The following KCNIP4 variants were observed in gnomAD, a reference collection of about 807,000 sequenced individuals.
KCNIP4 encodes the protein Kv channel-interacting protein 4.
A neutral mutation model predicts 34.0 loss-of-function variants in KCNIP4; 12 were observed. The ratio of observed to expected loss-of-function variants is 0.35; its 90% CI spans 0.23 to 0.57. KCNIP4 has a LOEUF of 0.57. KCNIP4 is among the 20% of genes least tolerant of loss of function. KCNIP4 has a pLI of 0.83. For synonymous variants in KCNIP4, 124 were observed against 102.2 expected (o/e 1.21, Z -1.29); for missense variants, 238 against 311.7 (o/e 0.76, Z 1.78).
chr4:21,072,994 C>T (rs1745112610), intron 1 of KCNIP4, among the ~76,000 whole-genome samples: 1 of 152,056 alleles, frequency 6.6e-6, no homozygotes, highest in African/African-American at 2.4e-5. Flanking sequence ...TGTTCTGTTC[C>T]ATTGGTCTAT....
Position 20,867,416 on chromosome 4 carries a change from C to G in KCNIP4, c.163+15192G>C, listed in dbSNP as rs527239380. On this transcript the variant is annotated intron_variant, in intron 2 of 8. Transcript: ENST00000382152. ...CTTTGACAAGGCTGACAAAAACAAG[C>G]AATGAGGAAAGGACTCCCTATTCAA... Among the ~76,000 whole-genome samples, 6 of 152,068 alleles carry G rather than the reference C, an allele frequency of 3.9e-5. No individual in the cohort carries two copies. The East Asian group carries it at 1.2e-3, about 29-fold the overall frequency.
rs531192281 is a variant in KCNIP4 at position 21,534,015 on chromosome 4, A to G, written c.61+414556T>C. ...ACTTAACCATATGACCTTTGGCTAG[A>G]CTACTGTATTTGAATTACGGCTCTG... On this transcript the variant is annotated intron_variant, in intron 1 of 8. Coordinates refer to ENST00000382152, the MANE Select transcript of KCNIP4 (RefSeq NM_025221.6). 2.0e-5 allele frequency among the ~76,000 whole-genome samples: 3 copies of G among 152,300 alleles called. No homozygotes were observed. In the South Asian group the frequency reaches 6.2e-4, roughly 32 times the overall value.
intron 1 of KCNIP4, among the ~76,000 whole-genome samples, chr4:21,182,846 A>G (rs1754943903): frequency 6.6e-6 from 1 of 152,132 alleles, no homozygotes; most frequent in Non-Finnish European, 1.5e-5. Flanking sequence ...GAGATAATTT[A>G]CATATGCATG....
At chr4:21,679,649 C>T (rs1750188677) in intron 1 of KCNIP4, among the ~76,000 whole-genome samples, 1 of 152,118 alleles carries the variant, frequency 6.6e-6, no homozygotes, top group South Asian at 2.1e-4. Context: ...ACATTCAAGC[C>T]TGTATTGAAT....
At chr4:21,561,515 A>T (rs1199496979) in intron 1 of KCNIP4, among the ~76,000 whole-genome samples, 1 of 152,006 alleles carries the variant, frequency 6.6e-6, no homozygotes, top group Admixed American at 6.6e-5. Flanking sequence ...TCCCTCAACA[A>T]TAATTTCAGA....
At chr4:21,440,022 C>T (rs1307261777) in intron 1 of KCNIP4, among the ~76,000 whole-genome samples, 1 of 152,236 alleles carries the variant, frequency 6.6e-6, no homozygotes, top group Non-Finnish European at 1.5e-5. Context: ...GCTCCTCAAA[C>T]ACTCTGGTTT....
At chr4:21,114,504 C>A (rs1749521869) in intron 1 of KCNIP4, among the ~76,000 whole-genome samples, 1 of 151,894 alleles carries the variant, frequency 6.6e-6, no homozygotes, top group African/African-American at 2.4e-5. Flanking sequence ...TAAACCCATT[C>A]TATTAAAAAA....
intron 1 of KCNIP4, among the ~76,000 whole-genome samples, chr4:21,230,660 T>C (rs1758725546): frequency 6.6e-6 from 1 of 152,158 alleles, no homozygotes; most frequent in South Asian, 2.1e-4. Context: ...CATAATGGCC[T>C]CCAGCTCCAT....
chr4:21,689,788 C>T (rs916270198), intron 1 of KCNIP4, among the ~76,000 whole-genome samples: 13 of 152,036 alleles, frequency 8.6e-5, no homozygotes, highest in Non-Finnish European at 1.6e-4. Context: ...CTTCTATGCC[C>T]ACCCTGGCCA....
chr4:21,395,926 C>G (rs1011710327), intron 1 of KCNIP4, among the ~76,000 whole-genome samples: 1 of 152,060 alleles, frequency 6.6e-6, no homozygotes, highest in African/African-American at 2.4e-5. Flanking sequence ...CCAAATTGAT[C>G]TCAAATAGAA....
chr4:20,810,879 T>C lies in KCNIP4; in HGVS notation c.288+39664A>G, dbSNP rs374935561. ...GTCTGCTTTCCTTAAATGCAGCTGA[T>C]TTCTTGCTAAATTCCATTGCATTTG... On this transcript the variant is annotated intron_variant, in intron 3 of 8. Transcript: ENST00000382152. 1.2e-4 allele frequency among the ~76,000 whole-genome samples: 18 copies of C among 152,222 alleles called. No homozygotes were observed. The East Asian group carries it at 2.3e-3, about 20-fold the overall frequency.
chr4:21,140,346 GAAC>G (rs1484579657), intron 1 of KCNIP4, among the ~76,000 whole-genome samples: 1 of 152,032 alleles, frequency 6.6e-6, no homozygotes, highest in Non-Finnish European at 1.5e-5. Flanking sequence ...AAACTTCTTA[GAAC>G]AACATTTGGT....
chr4:20,930,887 A>G (rs1730393912), intron 1 of KCNIP4, among the ~76,000 whole-genome samples: 1 of 151,910 alleles, frequency 6.6e-6, no homozygotes, highest in Non-Finnish European at 1.5e-5. Flanking sequence ...TGTGGGGAAA[A>G]GGGAAATACA....
chr4:21,288,310 G>A (rs1249878200), intron 1 of KCNIP4, among the ~76,000 whole-genome samples: 2 of 152,028 alleles, frequency 1.3e-5, no homozygotes, highest in Non-Finnish European at 2.9e-5. Flanking sequence ...CTTTAATCAT[G>A]CACAGATGTA....
intron 1 of KCNIP4, among the ~76,000 whole-genome samples, chr4:21,697,097 T>C (rs1327290066): frequency 6.6e-6 from 1 of 151,922 alleles, no homozygotes; most frequent in Non-Finnish European, 1.5e-5. Context: ...AGATACTGTT[T>C]CCTGAAATTT....
At chr4:20,864,334 A>G (rs991958442) in intron 2 of KCNIP4, among the ~76,000 whole-genome samples, 6 of 151,296 alleles carry the variant, frequency 4.0e-5, no homozygotes, top group African/African-American at 1.2e-4. Flanking sequence ...ATGCATATGT[A>G]TGTAAACATG....
At chr4:21,236,879 T>C (rs1048591750) in intron 1 of KCNIP4, among the ~76,000 whole-genome samples, 1 of 150,124 alleles carries the variant, frequency 6.7e-6, no homozygotes, top group African/African-American at 2.5e-5. Flanking sequence ...AATTAGCAGG[T>C]GCCTGTAATG....
At chr4:21,093,672 C>A (rs375083778) in intron 1 of KCNIP4, among the ~76,000 whole-genome samples, 1 of 151,902 alleles carries the variant, frequency 6.6e-6, no homozygotes, top group Non-Finnish European at 1.5e-5. Context: ...CTAATGATAA[C>A]GAAGATGACA....
At chr4:20,879,896 A>G (rs764047748) in intron 2 of KCNIP4, among the ~76,000 whole-genome samples, 4 of 152,210 alleles carry the variant, frequency 2.6e-5, no homozygotes, top group Non-Finnish European at 5.9e-5. Flanking sequence ...AAGCATAGAT[A>G]GATATATACA....
Sources: gnomAD v4.1 joint callset for allele counts (sites outside exome capture counted in the v4.1 genomes callset) on GRCh38, gnomAD v4.1.1 for gene constraint, MANE v1.5 for transcripts, NCBI Gene and HGNC (gene_info 2026-07-23, HGNC 2026-07-21) for gene names.